MAST2: variants seen among roughly 807,000 people sequenced by gnomAD.
MAST2 encodes microtubule-associated serine/threonine-protein kinase 2.
A neutral mutation model predicts 147.4 loss-of-function variants in MAST2; 70 were observed. The observed-to-expected ratio is 0.47, with a 90% CI of 0.39 to 0.58. The LOEUF (loss-of-function observed/expected upper bound fraction) is 0.58. Among genes scored for constraint, MAST2 ranks in the 20% least tolerant of loss-of-function variants. MAST2 has a pLI of 0.00. For synonymous variants in MAST2, 869 were observed against 896.8 expected, an observed-to-expected ratio of 0.97 and a Z score of 0.55; for missense variants, 2,080 against 2,302.3, an observed-to-expected ratio of 0.90 and a Z score of 1.98.
intron 4 of MAST2, among the ~76,000 whole-genome samples, chr1:45,906,605 GTTA>G (rs958881650): frequency 7.5e-5 from 11 of 147,562 alleles, no homozygotes; most frequent in Non-Finnish European, 1.6e-4. Flanking sequence ...ATATATTATT[GTTA>G]TTATATAATT....
intron 5 of MAST2, among the ~76,000 whole-genome samples, chr1:45,983,926 A>C (rs1644512230): frequency 6.6e-6 from 1 of 152,222 alleles, no homozygotes; most frequent in Non-Finnish European, 1.5e-5. Flanking sequence ...TACACTTTAA[A>C]AGAAATTTGT....
chr1:45,971,593 C>T (rs1265646725), intron 5 of MAST2, among the ~76,000 whole-genome samples: 1 of 152,162 alleles, frequency 6.6e-6, no homozygotes, highest in East Asian at 1.9e-4. Context: ...GCCTCCAATA[C>T]CCTCTACTGA....
chr1:46,010,910 C>T lies in MAST2; in HGVS notation c.1159C>T (p.Gln387Ter), dbSNP rs1397096089. Residue 387 changes from glutamine (Q) to a stop codon, truncating the protein, a stop_gained, in exon 10 of 29, where the codon CAA becomes TAA. Transcript: ENST00000361297. LOFTEE classifies it high-confidence loss of function. ...LITSQYFYEL[Q>*]DNLEKLLQDA... ...TACATCACAATACTTCTACGAACTT[C>T]AAGATAATTTGGAGAAACTTTTACA... The T allele has an allele frequency of 1.2e-6, 2 of 1,614,156 alleles. No homozygotes were observed. The highest frequency in any genetic ancestry group is 3.3e-5 in the Admixed American group (2 of 60,026).
intron 4 of MAST2, among the ~76,000 whole-genome samples, chr1:45,897,127 T>C (rs925283434): frequency 2.0e-5 from 3 of 152,202 alleles, no homozygotes; most frequent in Admixed American, 2.0e-4. Flanking sequence ...TATACCCAAA[T>C]TTTTTCACCT....
At chr1:45,816,688 A>T (rs1644465505) in intron 1 of MAST2, among the ~76,000 whole-genome samples, 1 of 152,036 alleles carries the variant, frequency 6.6e-6, no homozygotes, top group Non-Finnish European at 1.5e-5. Flanking sequence ...TTATTTATTT[A>T]TTTATTTTTT....
chr1:45,836,660 GATATCT>G (rs1259197283), intron 3 of MAST2, among the ~76,000 whole-genome samples: 1 of 152,076 alleles, frequency 6.6e-6, no homozygotes, highest in South Asian at 2.1e-4. Flanking sequence ...GAAAGGTGGA[GATATCT>G]ATATCTATAT....
Position 45,975,495 on chromosome 1 carries a change from C to CAAAAAAAAAAAA in MAST2, c.592+16033_592+16044dup, listed in dbSNP as rs60802520. Among the ~76,000 whole-genome samples the CAAAAAAAAAAAA allele has an allele frequency of 3.0e-4, 12 of 40,432 alleles. 5 individuals carry two copies. Among genetic ancestry groups the CAAAAAAAAAAAA allele is most frequent in the African/African-American group, 5.8e-4 (6 of 10,262 alleles). The allele number at this position is 40,432 out of a possible 152,430, so 26.5% of individuals were successfully genotyped here. ...GCAATATAGTGAGTCCCTGTCTCTC[C>CAAAAAAAAAAAA]AAAAAAAAAAAAAAAAAAAAAAAAA... is the stretch of plus-strand genomic sequence containing the variant. On this transcript the variant is annotated intron_variant, in intron 5 of 28. Coordinates refer to ENST00000361297, the MANE Select transcript of MAST2 (RefSeq NM_015112.3).
intron 1 of MAST2, among the ~76,000 whole-genome samples, chr1:45,814,874 T>A (rs1374756949): frequency 6.6e-6 from 1 of 152,222 alleles, no homozygotes; most frequent in Non-Finnish European, 1.5e-5. Flanking sequence ...GAAAGGAGAC[T>A]TTAATTTGTG....
At chr1:45,978,930 T>C (rs1380008970) in intron 5 of MAST2, among the ~76,000 whole-genome samples, 3 of 152,178 alleles carry the variant, frequency 2.0e-5, no homozygotes, top group Non-Finnish European at 2.9e-5. Context: ...TGTTCTGGAA[T>C]TATATAATGG....
At chr1:45,902,139 A>C (rs899099589) in intron 4 of MAST2, among the ~76,000 whole-genome samples, 3 of 152,104 alleles carry the variant, frequency 2.0e-5, no homozygotes, top group African/African-American at 7.2e-5. Flanking sequence ...GGTTGTTACT[A>C]TTTTGAGGTG....
intron 4 of MAST2, among the ~76,000 whole-genome samples, chr1:45,924,134 G>A (rs1212610462): frequency 4.6e-5 from 7 of 152,102 alleles, no homozygotes; most frequent in African/African-American, 1.7e-4. Flanking sequence ...CTCCCAAAGT[G>A]CTGGGATTAC....
Position 46,034,073 on chromosome 1 carries a change from C to T in MAST2, c.3675C>T (p.Ser1225=), listed in dbSNP as rs1646794284. Residue 1225 remains serine (S), a splice_region_variant and synonymous_variant, in exon 28 of 29, where the codon AGC becomes AGT. Transcript: ENST00000361297. ...CAGCCTTTGACCCTTATCCCCGCAG[C>T]AGAAAAAGGAGCTCCCTGTTCCGCA... ...KRSRGKDGQE[S]RKRSSLFRKI... is the part of the protein sequence containing the mutation. The T allele has an allele frequency of 2.5e-6, 4 of 1,612,504 alleles. No homozygotes were observed. Among genetic ancestry groups the T allele is most frequent in the Non-Finnish European group, 3.4e-6 (4 of 1,179,134 alleles).
At chr1:46,021,781 C>G in intron 11 of MAST2, among the ~76,000 whole-genome samples, 169 bp from the exon 12 acceptor site, 1 of 152,212 alleles carries the variant, frequency 6.6e-6, no homozygotes, top group Non-Finnish European at 1.5e-5. Context: ...ATCTTTGTCC[C>G]CATTCCTGTG....
chr1:45,915,137 G>C (rs1440907546), intron 4 of MAST2, among the ~76,000 whole-genome samples: 1 of 152,044 alleles, frequency 6.6e-6, no homozygotes, highest in Non-Finnish European at 1.5e-5. Flanking sequence ...TCTCTATGTT[G>C]CTCAGGCTGG....
chr1:45,952,686 T>C (rs1363987646), intron 4 of MAST2, among the ~76,000 whole-genome samples: 2 of 152,144 alleles, frequency 1.3e-5, no homozygotes, highest in Non-Finnish European at 2.9e-5. Context: ...TTTAAAGTAT[T>C]GAGAAAAAAG....
At chr1:45,849,587 C>T (rs1424477759) in intron 3 of MAST2, among the ~76,000 whole-genome samples, 1 of 150,976 alleles carries the variant, frequency 6.6e-6, no homozygotes, top group Non-Finnish European at 1.5e-5. Flanking sequence ...AGTGCAGTGG[C>T]GCGATCTAGG....
chr1:45,827,877 G>A (rs1451704250), intron 2 of MAST2, among the ~76,000 whole-genome samples: 1 of 152,012 alleles, frequency 6.6e-6, no homozygotes, highest in Non-Finnish European at 1.5e-5. Context: ...CCAGGCTAAA[G>A]TGCAGTGACA....
At chr1:45,816,221 A>AAGAGAGAGAGAGAGAGAAAG (rs1553202490) in intron 1 of MAST2, among the ~76,000 whole-genome samples, 53,441 of 132,720 alleles carry the variant, frequency 0.4, 10,691 homozygotes, top group East Asian at 0.58. Flanking sequence ...GAGAGAGAGA[A>AAGAGAGAGAGAGAGAGAAAG]AGAGAGAGAG....
Position 46,006,264 on chromosome 1 carries a change from G to A in MAST2, c.771G>A (p.Lys257=), listed in dbSNP as rs761872647. Residue 257 remains lysine, a synonymous_variant, in exon 8 of 29, where the codon AAG becomes AAA. Coordinates refer to ENST00000361297, the MANE Select transcript of MAST2 (RefSeq NM_015112.3). ...TVSSSCSSQE[K]LHQLPFQPTA... ...AGTCATCATGCTCCTCACAGGAAAA[G>A]CTGCATCAGTTGCCTTTCCAGCCTA... 1.1e-5 allele frequency: 17 copies of A among 1,613,198 alleles called. No individual in the cohort carries two copies. The highest frequency in any genetic ancestry group is 1.4e-5 in the Non-Finnish European group (16 of 1,179,562).
Sources: allele counts gnomAD v4.1 joint callset (sites outside exome capture counted in the v4.1 genomes callset), GRCh38; gene constraint gnomAD v4.1.1; transcripts MANE v1.5; gene names NCBI Gene and HGNC (gene_info 2026-07-23, HGNC 2026-07-21).